The following GREB1L variants were observed in gnomAD, a reference collection of about 807,000 sequenced individuals.
GREB1L encodes the protein GREB1-like protein.
Under a neutral mutation model 200.8 loss-of-function variants are expected in GREB1L, and 17 were observed. That is an observed-to-expected ratio of 0.08 (90% CI 0.06 to 0.13). GREB1L has a LOEUF of 0.13. Ranked by LOEUF, GREB1L falls within the 10% of genes least tolerant of loss-of-function variation. GREB1L has a pLI of 1.00. For synonymous variants in GREB1L, 789 were observed against 893.0 expected (o/e 0.88, Z 2.08); for missense variants, 1,657 against 2,367.7 (o/e 0.70, Z 6.23).
rs1382261516 is a variant in GREB1L, at chr18:21,452,143, C to T, written c.1910C>T (p.Thr637Ile). The T allele has an allele frequency of 6.4e-7, 1 of 1,552,014 alleles. No individual in the cohort carries two copies. The highest frequency in any genetic ancestry group is 1.2e-5 in the South Asian group (1 of 84,056). Residue 637 changes from threonine to isoleucine, a missense_variant, in exon 14 of 33, where the codon ACC (threonine) becomes ATC (isoleucine). Thr to Ile is a moderately conservative substitution (Grantham distance 89). Coordinates refer to ENST00000424526, the MANE Select transcript of GREB1L (RefSeq NM_001142966.3). ...CAAAGAAGAGGAGACAGTGTGGTTA[C>T]CCCTTTCGATGGAGACCTTAATGAA... is the stretch of plus-strand genomic sequence containing the variant. Reference protein sequence around the residue: ...MQQRRGDSVVTPFDGDLNECV... With the variant: ...MQQRRGDSVVIPFDGDLNECV...
At chr18:21,388,739 T>A (rs1375388602) in intron 4 of GREB1L, among the ~76,000 whole-genome samples, 1 of 151,700 alleles carries the variant, frequency 6.6e-6, no homozygotes, top group Non-Finnish European at 1.5e-5. Context: ...AGAGATGGGG[T>A]TTCACCGGTT....
In GREB1L at chr18:21,523,405, A is replaced by G. The variant is rs536991727; in HGVS notation, c.*584A>G. ...AAGATTTATAATCTTCTATGTATTGAAACTTTTGGCAAAATTTCCACAGGA... is the reference window on the plus strand; with the variant it reads ...AAGATTTATAATCTTCTATGTATTGGAACTTTTGGCAAAATTTCCACAGGA... On this transcript the variant is annotated 3_prime_UTR_variant, in exon 33 of 33. Coordinates refer to ENST00000424526, the MANE Select transcript of GREB1L (RefSeq NM_001142966.3). 1 of 152,324 alleles carries G rather than the reference A, an allele frequency of 6.6e-6. No individual in the cohort carries two copies. The highest frequency in any genetic ancestry group is 1.9e-4 in the East Asian group (1 of 5,184). 9.4% of individuals were successfully genotyped at this position (152,324 alleles called of 1,614,324 possible). A position where few individuals can be genotyped will look rare whatever the true frequency, so the allele number is the denominator to read the frequency against.
chr18:21,249,289 T>C (rs558069435), intron 1 of GREB1L, among the ~76,000 whole-genome samples: 2 of 152,312 alleles, frequency 1.3e-5, no homozygotes, highest in Non-Finnish European at 2.9e-5. Context: ...CACTAAAACA[T>C]GAGCAGAGGC....
chr18:21,515,728 C>T (rs1055199527), intron 29 of GREB1L, 84 bp downstream of exon 29: 3 of 967,430 alleles, frequency 3.1e-6, no homozygotes, highest in Admixed American at 2.3e-5. Flanking sequence ...TGCTTTTATT[C>T]GTATGTCTTC....
intron 2 of GREB1L, among the ~76,000 whole-genome samples, chr18:21,382,584 C>T (rs1218604974): frequency 1.3e-5 from 2 of 151,588 alleles, no homozygotes; most frequent in South Asian, 2.1e-4. Flanking sequence ...CTCCGCCTCC[C>T]GGATTCAAGT....
Position 21,522,899 on chromosome 18 carries a change from T to A in GREB1L, c.*78T>A. 2 of 1,323,232 alleles carry A rather than the reference T, an allele frequency of 1.5e-6. No homozygotes were observed. The highest frequency in any genetic ancestry group is 2.0e-6 in the Non-Finnish European group (2 of 980,788). 82.0% of individuals were successfully genotyped at this position (1,323,232 alleles called of 1,614,324 possible). A position where few individuals can be genotyped will look rare whatever the true frequency, so the allele number is the denominator to read the frequency against. ...AACAATTTGGGATTTTTCTTTTTCC[T>A]TTAAAGTACAATCACTGTGGAGCAA... is the stretch of plus-strand genomic sequence containing the variant. On this transcript the variant is annotated 3_prime_UTR_variant, in exon 33 of 33. Transcript: ENST00000424526.
chr18:21,342,298 G>T (rs2039280704), intron 1 of GREB1L, among the ~76,000 whole-genome samples: 1 of 152,046 alleles, frequency 6.6e-6, no homozygotes, highest in African/African-American at 2.4e-5. Flanking sequence ...GTGAATTTTG[G>T]TCATGAACAT....
At chr18:21,329,972 G>GT (rs956438288) in intron 1 of GREB1L, among the ~76,000 whole-genome samples, 1 of 141,610 alleles carries the variant, frequency 7.1e-6, no homozygotes, top group African/African-American at 2.7e-5. Context: ...TTTTTTTTGG[G>GT]GGGGGGGGGT....
At chr18:21,263,582 T>A (rs2037922043) in intron 1 of GREB1L, among the ~76,000 whole-genome samples, 1 of 152,224 alleles carries the variant, frequency 6.6e-6, no homozygotes, top group Non-Finnish European at 1.5e-5. Flanking sequence ...TTAAGTTTAA[T>A]GTTGTCCTAA....
At chr18:21,381,835 C>G (rs2040327269) in intron 2 of GREB1L, among the ~76,000 whole-genome samples, 1 of 152,136 alleles carries the variant, frequency 6.6e-6, no homozygotes, top group African/African-American at 2.4e-5. Context: ...AAAAGAAGGT[C>G]TTTTGCCCTT....
At chr18:21,315,752 C>T (rs911523560) in intron 1 of GREB1L, among the ~76,000 whole-genome samples, 13 of 152,072 alleles carry the variant, frequency 8.5e-5, no homozygotes, top group Admixed American at 3.3e-4. Flanking sequence ...TGGACAAATA[C>T]GCCTTCTTAA....
chr18:21,494,409 T>G (rs2036463350), intron 19 of GREB1L, among the ~76,000 whole-genome samples: 1 of 152,222 alleles, frequency 6.6e-6, no homozygotes, highest in African/African-American at 2.4e-5. Context: ...ATTGAGCCTT[T>G]TCTTTATTGA....
intron 17 of GREB1L, among the ~76,000 whole-genome samples, chr18:21,480,760 C>T (rs2035884278): frequency 1.3e-5 from 2 of 152,270 alleles, no homozygotes; most frequent in South Asian, 4.1e-4. Flanking sequence ...TGGCTCATGC[C>T]TGTAATCCCA....
Position 21,505,575 on chromosome 18 carries a change from C to A in GREB1L, c.4228+8C>A, listed in dbSNP as rs2036978623. The A allele has an allele frequency of 6.4e-7, 1 of 1,551,450 alleles. No homozygotes were observed. Among genetic ancestry groups the A allele is most frequent in the African/African-American group, 1.4e-5 (1 of 73,172 alleles). On this transcript the variant is annotated splice_region_variant and intron_variant, in intron 24 of 32. Coordinates refer to ENST00000424526, the MANE Select transcript of GREB1L (RefSeq NM_001142966.3). ...TGGCAGGGGTCAAACAAGGTCAGTG[C>A]AATCAGCCAAGTTCACCTCCTCTCT...
At chr18:21,395,930 A>T (rs1357656986) in intron 5 of GREB1L, among the ~76,000 whole-genome samples, 2 of 151,766 alleles carry the variant, frequency 1.3e-5, no homozygotes, top group East Asian at 1.9e-4. Flanking sequence ...GGGCTTCACC[A>T]TATTGGCCGG....
At position 21,242,398 on chromosome 18, in the gene GREB1L, G is replaced by A. The variant is rs2037511093; in HGVS notation, c.-120+5G>A. On this transcript the variant is annotated splice_donor_5th_base_variant and intron_variant, in intron 1 of 32. Transcript: ENST00000424526. ...CTCGCGCCCCGCTAGGGCCAGGTGAGCGGCCGCGGGGACTCCGGGGCGCGG... is the reference window on the plus strand; with the variant it reads ...CTCGCGCCCCGCTAGGGCCAGGTGAACGGCCGCGGGGACTCCGGGGCGCGG... 6.6e-6 allele frequency: 1 copy of A among 152,192 alleles called. No individual in the cohort carries two copies. 9.4% of individuals were successfully genotyped at this position (152,192 alleles called of 1,614,324 possible). A position where few individuals can be genotyped will look rare whatever the true frequency, so the allele number is the denominator to read the frequency against.
At chr18:21,366,548 A>C (rs2039685756) in intron 2 of GREB1L, among the ~76,000 whole-genome samples, 1 of 151,968 alleles carries the variant, frequency 6.6e-6, no homozygotes, top group Non-Finnish European at 1.5e-5. Context: ...ATATGTTCTA[A>C]AGATTTTATA....
rs1412435891 is a variant in GREB1L at position 21,500,073 on chromosome 18, A to C, written c.3736A>C (p.Lys1246Gln). The change falls in exon 22 of 33, where the codon AAG becomes CAG. Residue 1246 changes from lysine (K) to glutamine (Q), a missense_variant. Physicochemically the swap from Lys to Gln is moderately conservative, Grantham distance 53. Coordinates refer to ENST00000424526, the MANE Select transcript of GREB1L (RefSeq NM_001142966.3). ...GGCCTACAGTCTCCTGGGCTCCCAG[A>C]AGAGTGGCAAGCTGCCATCCTCCTC... ...KAAYSLLGSQ[K>Q]SGKLPSSSSL... 6.4e-7 allele frequency: 1 copy of C among 1,551,624 alleles called. No individual in the cohort carries two copies. Among genetic ancestry groups the C allele is most frequent in the Non-Finnish European group, 8.7e-7 (1 of 1,146,984 alleles).
intron 1 of GREB1L, among the ~76,000 whole-genome samples, chr18:21,306,886 T>C (rs191067997): frequency 1.3e-5 from 2 of 152,308 alleles, no homozygotes; most frequent in East Asian, 3.9e-4. Context: ...CTGATAAATA[T>C]CAGTAGGTTA....
Sources: gnomAD v4.1 joint callset for allele counts (sites outside exome capture counted in the v4.1 genomes callset) on GRCh38, gnomAD v4.1.1 for gene constraint, MANE v1.5 for transcripts, NCBI Gene and HGNC (gene_info 2026-07-23, HGNC 2026-07-21) for gene names.